MTMR8: variants seen among roughly 807,000 people sequenced by gnomAD.
MTMR8 encodes the protein myotubularin related protein 8, also known as phosphatidylinositol-3,5-bisphosphate 3-phosphatase MTMR8.
In MTMR8, 65 loss-of-function variants were observed where a neutral mutation model predicts 39.3. The ratio of observed to expected loss-of-function variants is 1.65; its 90% CI spans 1.35 to 2.03. The LOEUF (loss-of-function observed/expected upper bound fraction) is 2.03. MTMR8 is among the 30% of genes most tolerant of loss of function. The probability of loss-of-function intolerance (pLI) is 0.00; values close to 1 mark genes in which losing one functional copy is unlikely to be tolerated. For missense variants in MTMR8, 777 were observed against 538.9 expected (o/e 1.44, Z -4.37); for synonymous variants, 245 against 185.2 (o/e 1.32, Z -2.62).
intron 12 of MTMR8, among the ~76,000 whole-genome samples, chrX:64,293,082 G>T (rs919882425): frequency 9.0e-6 from 1 of 111,181 alleles, no homozygotes; most frequent in Non-Finnish European, 1.9e-5. Flanking sequence ...GGTTTATCAG[G>T]CAACAGATGA....
chrX:64,332,422 C>T (rs916462570), intron 10 of MTMR8, among the ~76,000 whole-genome samples: 16 of 111,657 alleles, frequency 1.4e-4, no homozygotes, highest in African/African-American at 2.3e-4. Context: ...TGGCTCACAA[C>T]GATACCACCT....
chrX:64,281,453 G>T (rs760227771), intron 12 of MTMR8, among the ~76,000 whole-genome samples: 1 of 111,878 alleles, frequency 8.9e-6, no homozygotes, highest in East Asian at 2.8e-4. Flanking sequence ...AATGGAGAAA[G>T]GATTCCTTAT....
intron 1 of MTMR8, among the ~76,000 whole-genome samples, chrX:64,384,804 C>CTCCCATCTGAA (rs1924517147): frequency 8.9e-6 from 1 of 112,527 alleles, no homozygotes; most frequent in Non-Finnish European, 1.9e-5. Flanking sequence ...GAGGGGCTGC[C>CTCCCATCTGAA]ATTAAGGTCT....
At position 64,336,120 on chromosome X, in the gene MTMR8, T is replaced by C. The variant is rs751696227; in HGVS notation, c.1110A>G (p.Ile370Met). The change falls in exon 10 of 14, where the codon ATA becomes ATG. Residue 370 changes from isoleucine to methionine, a missense_variant. Transcript: ENST00000374852. ...GGCCCATGGATATCCATTCCTTCTCTATCAAGATCTTCATTTTATAGAAAA... is the reference window on the plus strand; with the variant it reads ...GGCCCATGGATATCCATTCCTTCTCCATCAAGATCTTCATTTTATAGAAAA... ...YRTFKGLMIL[I>M]EKEWISMGHK... The C allele has an allele frequency of 3.4e-6, 4 of 1,184,905 alleles. No homozygotes were observed. In the South Asian group the frequency reaches 7.5e-5, roughly 22 times the overall value.
Position 64,345,104 on chromosome X carries a change from C to T in MTMR8, c.806G>A (p.Arg269Lys), listed in dbSNP as rs1164227241. 2.5e-6 allele frequency: 3 copies of T among 1,211,115 alleles called. No homozygotes were observed. Among genetic ancestry groups the T allele is most frequent in the Non-Finnish European group, 3.4e-6 (3 of 894,892 alleles). The change falls in exon 7 of 14, where the codon AGA (arginine) becomes AAA (lysine). Residue 269 changes from arginine to lysine, a missense_variant. Coordinates refer to ENST00000374852, the MANE Select transcript of MTMR8 (RefSeq NM_017677.4). ...NEDNYANIRF[R>K]FMGIENIHVM... ...ATGGATGTTCTCAATGCCCATGAAT[C>T]TGAAGCGAATGTTGGCATAGTTGTC...
intron 10 of MTMR8, among the ~76,000 whole-genome samples, chrX:64,335,259 G>A (rs773779773): frequency 1.8e-5 from 2 of 110,378 alleles, no homozygotes; most frequent in African/African-American, 3.3e-5. Flanking sequence ...TGCCTCCCAA[G>A]GAGTCAGGAT....
At chrX:64,353,940 A>T (rs1208325291) in intron 4 of MTMR8, among the ~76,000 whole-genome samples, 1 of 111,146 alleles carries the variant, frequency 9.0e-6, no homozygotes, top group Non-Finnish European at 1.9e-5. Flanking sequence ...AAGAAAGAAA[A>T]GAAAACTGTG....
Position 64,343,645 on chromosome X carries a change from T to C in MTMR8, c.941A>G (p.Lys314Arg). 8.3e-7 allele frequency: 1 copy of C among 1,206,205 alleles called. No individual in the cohort carries two copies. The highest frequency in any genetic ancestry group is 1.1e-6 in the Non-Finnish European group (1 of 891,022). Reference sequence around the variant, plus strand: ...GAAAATTCCAGCATCCATAATAGCTTTAATGTGTCTTAACCACCCTGAGCT... The same window carrying C: ...GAAAATTCCAGCATCCATAATAGCTCTAATGTGTCTTAACCACCCTGAGCT... ...LESSGWLRHI[K>R]AIMDAGIFIT... is the part of the protein sequence containing the mutation. Residue 314 changes from lysine (K) to arginine (R), a missense_variant, in exon 8 of 14, where the codon AAA becomes AGA. Physicochemically the swap from Lys to Arg is conservative, Grantham distance 26 (BLOSUM62 2). Transcript: ENST00000374852.
At chrX:64,314,762 G>A (rs1486808051) in intron 12 of MTMR8, among the ~76,000 whole-genome samples, 1 of 112,441 alleles carries the variant, frequency 8.9e-6, no homozygotes, top group East Asian at 2.8e-4. Flanking sequence ...TGGGCCCACA[G>A]GAAGCTGTAT....
At chrX:64,346,198 C>T (rs1480037052) in intron 6 of MTMR8, among the ~76,000 whole-genome samples, 1 of 111,081 alleles carries the variant, frequency 9.0e-6, no homozygotes, top group Non-Finnish European at 1.9e-5. Flanking sequence ...TTTTCTGGGC[C>T]TATTTTCTCA....
At position 64,395,380 on chromosome X, in the gene MTMR8, A is replaced by G; in HGVS notation, c.-17T>C. ...ATGATCCATGACTGCAGTTCCCGCC[A>G]CCGGAAGATCTCAGTGCTACTCCAG... On this transcript the variant is annotated 5_prime_UTR_variant, in exon 1 of 14. Coordinates refer to ENST00000374852, the MANE Select transcript of MTMR8 (RefSeq NM_017677.4). 1.7e-6 allele frequency: 2 copies of G among 1,208,459 alleles called. No homozygotes were observed. The highest frequency in any genetic ancestry group is 2.2e-6 in the Non-Finnish European group (2 of 893,991).
chrX:64,270,982 C>T lies in MTMR8; in HGVS notation c.1573G>A (p.Ala525Thr), dbSNP rs747854201. The change falls in exon 13 of 14, where the codon GCA becomes ACA. Residue 525 changes from alanine to threonine, a missense_variant. Ala to Thr is a moderately conservative substitution (Grantham distance 58). Coordinates refer to ENST00000374852, the MANE Select transcript of MTMR8 (RefSeq NM_017677.4). ...TCATGCACATCTGTCTCCAGCATTG[C>T]TCTCTGTTTCTTAATTTCCAGGAGG... ...ESLLEIKKQR[A>T]MLETDVHELE... 7 of 1,210,375 alleles carry T rather than the reference C, an allele frequency of 5.8e-6. No individual in the cohort carries two copies. The highest frequency in any genetic ancestry group is 5.3e-5 in the South Asian group (3 of 56,771).
rs1476330971 is a variant in MTMR8, at chrX:64,305,877, A to G, written c.1481+22895T>C. On this transcript the variant is annotated intron_variant, in intron 12 of 13. Transcript: ENST00000374852. ...ACACTTGGAATGCTAGCACTTTGGG[A>G]GGCTGAGGCAGGAGGATTCTTGAGT... 5 of 261,846 alleles carry G rather than the reference A, an allele frequency of 1.9e-5. No homozygotes were observed. The East Asian group carries it at 4.2e-4, about 22-fold the overall frequency. 21.6% of individuals were successfully genotyped at this position (261,846 alleles called of 1,213,427 possible). A position where few individuals can be genotyped will look rare whatever the true frequency, so the allele number is the denominator to read the frequency against.
At chrX:64,388,789 G>T (rs1372246976) in intron 1 of MTMR8, among the ~76,000 whole-genome samples, 1 of 112,346 alleles carries the variant, frequency 8.9e-6, no homozygotes, top group African/African-American at 3.2e-5. Flanking sequence ...AACATAAGCA[G>T]GTTTATTGCA....
Position 64,356,357 on chromosome X carries a change from C to A in MTMR8, c.148-19G>T. On this transcript the variant is annotated intron_variant, in intron 2 of 13. Coordinates refer to ENST00000374852, the MANE Select transcript of MTMR8 (RefSeq NM_017677.4). Reference sequence around the variant, plus strand: ...GTGCAATCTGAAAAACATAAAAGAACCAGCGTAAACATACAGATGTGCAAT... The same window carrying A: ...GTGCAATCTGAAAAACATAAAAGAAACAGCGTAAACATACAGATGTGCAAT... 2 of 1,186,625 alleles carry A rather than the reference C, an allele frequency of 1.7e-6. No individual in the cohort carries two copies. Among genetic ancestry groups the A allele is most frequent in the Non-Finnish European group, 2.3e-6 (2 of 881,807 alleles).
chrX:64,311,719 C>T (rs1025377894), intron 12 of MTMR8, among the ~76,000 whole-genome samples: 7 of 109,001 alleles, frequency 6.4e-5, no homozygotes, highest in African/African-American at 1.7e-4. Context: ...ATATGGCTAG[C>T]CAGTTTTCCC....
intron 12 of MTMR8, among the ~76,000 whole-genome samples, chrX:64,282,848 GC>G (rs1239456431): frequency 9.0e-6 from 1 of 111,378 alleles, no homozygotes; most frequent in Non-Finnish European, 1.9e-5. Context: ...GAAGGGGAGA[GC>G]TCCAAGATGG....
At chrX:64,314,288 G>A (rs1000606012) in intron 12 of MTMR8, among the ~76,000 whole-genome samples, 1 of 112,854 alleles carries the variant, frequency 8.9e-6, no homozygotes, top group African/African-American at 3.2e-5. Context: ...CAGCACAGCG[G>A]GGTGCATGCT....
chrX:64,391,482 G>A (rs1201383687), intron 1 of MTMR8, among the ~76,000 whole-genome samples: 1 of 112,011 alleles, frequency 8.9e-6, no homozygotes, highest in Non-Finnish European at 1.9e-5. Flanking sequence ...TCACAAGACA[G>A]AATAGACATA....
Sources: allele counts gnomAD v4.1 joint callset (sites outside exome capture counted in the v4.1 genomes callset), GRCh38; gene constraint gnomAD v4.1.1; transcripts MANE v1.5; gene names NCBI Gene and HGNC (gene_info 2026-07-23, HGNC 2026-07-21).